HEATR5B: variants seen among roughly 807,000 people sequenced by gnomAD.
The protein encoded by HEATR5B is HEAT repeat-containing protein 5B.
A neutral mutation model predicts 224.1 loss-of-function variants in HEATR5B; 156 were observed. That is an observed-to-expected ratio of 0.70 (90% CI 0.61 to 0.80). The LOEUF (loss-of-function observed/expected upper bound fraction) is 0.80. Among genes scored for constraint, HEATR5B ranks in the 30% least tolerant of loss-of-function variants. The pLI is 0.00. For synonymous variants in HEATR5B, 1,027 were observed against 893.0 expected (o/e 1.15, Z -2.68); for missense variants, 2,323 against 2,535.5 (o/e 0.92, Z 1.80).
At chr2:37,015,180 G>A (rs1431587656) in intron 26 of HEATR5B, among the ~76,000 whole-genome samples, 1 of 152,142 alleles carries the variant, frequency 6.6e-6, no homozygotes, top group Non-Finnish European at 1.5e-5. Context: ...ACATAGGAGA[G>A]TTACATGAGG....
At chr2:37,007,335 TA>T (rs774119407) in intron 28 of HEATR5B, 31 bp from the exon 29 acceptor site, 4 of 1,414,690 alleles carry the variant, frequency 2.8e-6, no homozygotes, top group East Asian at 2.5e-5. Flanking sequence ...TTAAAAACAT[TA>T]CTTTTTTTTT....
intron 20 of HEATR5B, among the ~76,000 whole-genome samples, chr2:37,039,003 G>A (rs1356811308): frequency 6.6e-6 from 1 of 151,686 alleles, no homozygotes; most frequent in East Asian, 1.9e-4. Flanking sequence ...TCAAAATGGA[G>A]GAAACATAGC....
chr2:37,022,881 A>G (rs1277188350), intron 24 of HEATR5B, among the ~76,000 whole-genome samples: 1 of 152,196 alleles, frequency 6.6e-6, no homozygotes, highest in Non-Finnish European at 1.5e-5. Context: ...CAGCACTAAT[A>G]TCGTAAAATT....
chr2:37,061,378 CTG>C (rs1384273398), intron 11 of HEATR5B, among the ~76,000 whole-genome samples: 6 of 152,198 alleles, frequency 3.9e-5, no homozygotes, highest in Non-Finnish European at 8.8e-5. Flanking sequence ...ATGCTTAGAT[CTG>C]TGTCATAACT....
rs1667234889 is a variant in HEATR5B at position 37,003,659 on chromosome 2, A to G, written c.4933T>C (p.Leu1645=). 6.2e-7 allele frequency: 1 copy of G among 1,610,994 alleles called. No individual in the cohort carries two copies. Among genetic ancestry groups the G allele is most frequent in the Non-Finnish European group, 8.5e-7 (1 of 1,178,432 alleles). Residue 1645 remains leucine, a synonymous_variant, in exon 31 of 36, where the codon TTG becomes CTG. Coordinates refer to ENST00000233099, the MANE Select transcript of HEATR5B (RefSeq NM_019024.3). ...TTCCAGGTCAATAGAAGGCGGTGCA[A>G]AACACTCAGCAACTCAACACCTATC... ...QLIGVELLSV[L]HRLLLTWNPS...
At chr2:36,982,229 T>C (rs1665629023) in intron 35 of HEATR5B, among the ~76,000 whole-genome samples, 1 of 152,110 alleles carries the variant, frequency 6.6e-6, no homozygotes, top group Admixed American at 6.6e-5. Flanking sequence ...TAAGTAGAAA[T>C]ACAATACAAC....
chr2:37,050,460 G>A (rs1169114150), intron 17 of HEATR5B, among the ~76,000 whole-genome samples: 2 of 152,112 alleles, frequency 1.3e-5, no homozygotes, highest in African/African-American at 4.8e-5. Flanking sequence ...TAAGGACACT[G>A]TATTACTAAA....
rs375646507 is a variant in HEATR5B, at chr2:37,040,532, T to C, written c.2857-14A>G. 46 of 1,577,588 alleles carry C rather than the reference T, an allele frequency of 2.9e-5. No homozygotes were observed. Among genetic ancestry groups the C allele is most frequent in the African/African-American group, 4.1e-5 (3 of 73,302 alleles). ...AAGAGACCAAGTCTAGAATAAAATA[T>C]AATTTCATTTTAGTTGTAAGGAAGA... On this transcript the variant is annotated splice_polypyrimidine_tract_variant and intron_variant, in intron 19 of 35. Transcript: ENST00000233099.
chr2:37,000,833 G>T lies in HEATR5B; in HGVS notation c.5318-20C>A. The T allele has an allele frequency of 1.3e-6, 2 of 1,489,082 alleles. No individual in the cohort carries two copies. The highest frequency in any genetic ancestry group is 1.9e-6 in the Non-Finnish European group (2 of 1,067,180). The allele number at this position is 1,489,082 out of a possible 1,614,324, so 92.2% of individuals were successfully genotyped here. A position where few individuals can be genotyped will look rare whatever the true frequency, so the allele number is the denominator to read the frequency against. On this transcript the variant is annotated intron_variant, in intron 32 of 35. Transcript: ENST00000233099. ...TACATCCTGAAAGAAAAACAAATCA[G>T]ATCACCTCATAACTATTCAGTTCCC...
intron 33 of HEATR5B, among the ~76,000 whole-genome samples, chr2:36,992,417 C>T (rs1406277625): frequency 1.3e-5 from 2 of 151,814 alleles, no homozygotes; most frequent in Non-Finnish European, 2.9e-5. Context: ...CCTGTCTCTA[C>T]AAAAAACAAA....
At chr2:36,998,412 A>C (rs1666867889) in intron 33 of HEATR5B, among the ~76,000 whole-genome samples, 2 of 152,236 alleles carry the variant, frequency 1.3e-5, no homozygotes, top group Non-Finnish European at 2.9e-5. Context: ...ACTGGTGAGA[A>C]TGTGGGAAAA....
chr2:37,056,374 A>C, intron 16 of HEATR5B, 66 bp downstream of exon 16: 1 of 1,154,376 alleles, frequency 8.7e-7, no homozygotes. Context: ...CTGGGATGAG[A>C]AAATCTACTT....
intron 24 of HEATR5B, among the ~76,000 whole-genome samples, chr2:37,024,899 C>T (rs958665921): frequency 1.3e-5 from 2 of 152,112 alleles, no homozygotes; most frequent in African/African-American, 4.8e-5. Context: ...AAAGCAAGAC[C>T]TCCGTCTTTT....
intron 16 of HEATR5B, chr2:37,055,090 C>T (rs1297526038): frequency 4.8e-6 from 2 of 414,818 alleles, no homozygotes; most frequent in Non-Finnish European, 5.0e-6. Context: ...ACCTTTTGTG[C>T]ACTAAGAACA....
At chr2:37,007,411 T>C (rs774442627) in intron 28 of HEATR5B, 107 bp from the exon 29 acceptor site, 27 of 1,231,686 alleles carry the variant, frequency 2.2e-5, no homozygotes, top group Non-Finnish European at 2.9e-5. Context: ...TGGTGCGATC[T>C]TGGCTCACTG....
chr2:37,014,051 TA>T (rs749171656), intron 26 of HEATR5B, 31 bp from the exon 27 acceptor site: 94 of 1,266,020 alleles, frequency 7.4e-5, no homozygotes, highest in South Asian at 2.2e-4. Context: ...AACTTTTGTG[TA>T]AAAAAAATTA....
rs1671499186 is a variant in HEATR5B, at chr2:37,064,907, C to CCA, written c.1415_1416dup (p.Ala473TrpfsTer9). 6.2e-7 allele frequency: 1 copy of CCA among 1,614,012 alleles called. No homozygotes were observed. The highest frequency in any genetic ancestry group is 1.3e-5 in the African/African-American group (1 of 74,906). ...GTCAGCTGGAAAGGTAATGCCACAG[C>CCA]CACACAGCGCAAACACCATGCAGCA... On this transcript the variant is annotated frameshift_variant, in exon 10 of 36. Coordinates refer to ENST00000233099, the MANE Select transcript of HEATR5B (RefSeq NM_019024.3). LOFTEE classifies it high-confidence loss of function.
In HEATR5B at chr2:36,981,387, T is replaced by C. The variant is rs1665571261; in HGVS notation, c.*103A>G. 3 of 820,874 alleles carry C rather than the reference T, an allele frequency of 3.7e-6. No homozygotes were observed. The highest frequency in any genetic ancestry group is 3.0e-5 in the Admixed American group (1 of 33,152). 50.8% of individuals were successfully genotyped at this position (820,874 alleles called of 1,614,324 possible). A position where few individuals can be genotyped will look rare whatever the true frequency, so the allele number is the denominator to read the frequency against. The stretch of plus-strand genomic sequence containing the variant: ...CTACTTGGAAGCACTATAATACCAA[T>C]ATACAAATAAAACAGAACCCATAGG... On this transcript the variant is annotated 3_prime_UTR_variant, in exon 36 of 36. Coordinates refer to ENST00000233099, the MANE Select transcript of HEATR5B (RefSeq NM_019024.3).
intron 21 of HEATR5B, among the ~76,000 whole-genome samples, chr2:37,036,087 A>T (rs1558762133): frequency 6.6e-6 from 1 of 152,218 alleles, no homozygotes; most frequent in Non-Finnish European, 1.5e-5. Flanking sequence ...AGAGCAAATC[A>T]CTACCATCTT....
Sources: allele counts gnomAD v4.1 joint callset (sites outside exome capture counted in the v4.1 genomes callset), GRCh38; gene constraint gnomAD v4.1.1; transcripts MANE v1.5; gene names NCBI Gene and HGNC (gene_info 2026-07-23, HGNC 2026-07-21).